PCDH18: variants seen among roughly 807,000 people sequenced by gnomAD.
PCDH18 encodes protocadherin-18.
Under a neutral mutation model 71.5 loss-of-function variants are expected in PCDH18, and 38 were observed. The ratio of observed to expected loss-of-function variants is 0.53; its 90% confidence interval spans 0.41 to 0.70. The LOEUF (loss-of-function observed/expected upper bound fraction) is 0.70. Among genes scored for constraint, PCDH18 ranks in the 30% least tolerant of loss-of-function variants. PCDH18 has a pLI of 0.00. For synonymous variants in PCDH18, 565 were observed against 505.4 expected (o/e 1.12, Z -1.58); for missense variants, 1,334 against 1,384.6 (o/e 0.96, Z 0.58).
At chr4:137,527,741 TG>T (rs750285464) in intron 3 of PCDH18, among the ~76,000 whole-genome samples, 62 of 152,260 alleles carry the variant, frequency 4.1e-4, no homozygotes, top group Non-Finnish European at 6.9e-4. Context: ...TCTTTAGTAG[TG>T]GGGCTGCTAG....
intron 3 of PCDH18, among the ~76,000 whole-genome samples, chr4:137,526,552 T>C (rs1731466954): frequency 6.6e-6 from 1 of 152,062 alleles, no homozygotes; most frequent in South Asian, 2.1e-4. Flanking sequence ...CAGAGATTTC[T>C]CTTCAAATTG....
chr4:137,525,131 TG>T (rs1186461957), intron 3 of PCDH18, among the ~76,000 whole-genome samples: 1 of 151,670 alleles, frequency 6.6e-6, no homozygotes, highest in Non-Finnish European at 1.5e-5. Flanking sequence ...CAATGGAAAA[TG>T]GGGATTTTTG....
chr4:137,523,001 T>A (rs2149212307), intron 3 of PCDH18, among the ~76,000 whole-genome samples: 1 of 152,298 alleles, frequency 6.6e-6, no homozygotes, highest in East Asian at 1.9e-4. Flanking sequence ...TTTGAGATAA[T>A]TCTGTTCTTA....
chr4:137,529,988 T>C lies in PCDH18; in HGVS notation c.2101A>G (p.Ile701Val). The C allele has an allele frequency of 1.9e-6, 3 of 1,614,002 alleles. No individual in the cohort carries two copies. Among genetic ancestry groups the C allele is most frequent in the Non-Finnish European group, 2.5e-6 (3 of 1,179,894 alleles). ...ATTGCTCCTAAGGAAATAATTATTA[T>C]CATGGAGACATCCAAGGATGCCTGG... ...VSQASLDVSMIIIISLGAICA... is the reference protein window; with the variant it reads ...VSQASLDVSMVIIISLGAICA... The change falls in exon 1 of 4, where the codon ATA (isoleucine) becomes GTA (valine). Residue 701 changes from isoleucine (I) to valine (V), a missense_variant. Transcript: ENST00000344876.
Position 137,530,520 on chromosome 4 carries a change from A to G in PCDH18, c.1569T>C (p.Ser523=). The G allele has an allele frequency of 6.2e-7, 1 of 1,613,922 alleles. No homozygotes were observed. The highest frequency in any genetic ancestry group is 8.5e-7 in the Non-Finnish European group (1 of 1,179,838). ...SITTYVTIDP[S]NGAIYALRIF... ...TTCTGAGGGCATAGATGGCTCCATT[A>G]GATGGGTCAATGGTTACATATGTAG... The change falls in exon 1 of 4, where the codon TCT becomes TCC. Residue 523 remains serine (S), a synonymous_variant. Coordinates refer to ENST00000344876, the MANE Select transcript of PCDH18 (RefSeq NM_019035.5).
At position 137,531,334 on chromosome 4, in the gene PCDH18, A is replaced by G. The variant is rs780609137; in HGVS notation, c.755T>C (p.Ile252Thr). The change falls in exon 1 of 4, where the codon ATA (isoleucine) becomes ACA (threonine). Residue 252 changes from isoleucine (I) to threonine (T), a missense_variant. Physicochemically the swap from Ile to Thr is moderately conservative, Grantham distance 89. Coordinates refer to ENST00000344876, the MANE Select transcript of PCDH18 (RefSeq NM_019035.5). Reference sequence around the variant, plus strand: ...CGGGGAGTTTTCTAAGAGTTGTATTATATAAGATTGCTGCTCAAAAGCAGG... The same window carrying G: ...CGGGGAGTTTTCTAAGAGTTGTATTGTATAAGATTGCTGCTCAAAAGCAGG... ...NSPAFEQQSY[I>T]IQLLENSPVG... The G allele has an allele frequency of 4.3e-6, 7 of 1,614,028 alleles. No individual in the cohort carries two copies. The Admixed American group carries it at 5.0e-5, about 12-fold the overall frequency.
intron 3 of PCDH18, among the ~76,000 whole-genome samples, chr4:137,525,134 G>A (rs900583794): frequency 1.3e-5 from 2 of 152,018 alleles, no homozygotes; most frequent in Admixed American, 6.6e-5. Context: ...TGGAAAATGG[G>A]GATTTTTGCA....
Position 137,529,752 on chromosome 4 carries a change from T to C in PCDH18, c.2337A>G (p.Pro779=). 6.2e-7 allele frequency: 1 copy of C among 1,614,030 alleles called. No individual in the cohort carries two copies. The highest frequency in any genetic ancestry group is 1.1e-5 in the South Asian group (1 of 91,076). ...CTCTTTCTAAGGTAGGAGATGAAGA[T>C]GGAGACGATCTGTGATGAGATCTGA... ...LPIRSHHRSS[P]SSSPTLERGQ... The change falls in exon 1 of 4, where the codon CCA becomes CCG. Residue 779 remains proline (P), a synonymous_variant. Transcript: ENST00000344876.
Position 137,530,375 on chromosome 4 carries a change from T to C in PCDH18, c.1714A>G (p.Asn572Asp). The C allele has an allele frequency of 1.2e-6, 2 of 1,614,106 alleles. No individual in the cohort carries two copies. The highest frequency in any genetic ancestry group is 2.7e-5 in the African/African-American group (2 of 75,036). Residue 572 changes from asparagine (N) to aspartate (D), a missense_variant, in exon 1 of 4, where the codon AAC becomes GAC. Physicochemically the swap from Asn to Asp is conservative, Grantham distance 23. This residue lies in a region of PCDH18 where 1,011 missense variants were observed against 1,048.0 expected (regional missense o/e 0.96). Transcript: ENST00000344876. ...VVLTIIDEND[N>D]VPVVIGPALR... ...GCAGGCCCTATAACCACAGGAACGT[T>C]GTCATTTTCGTCAATGATGGTGAGC...
Position 137,528,693 on chromosome 4 carries a change from A to T in PCDH18, c.2576+39T>A, listed in dbSNP as rs778351395. On this transcript the variant is annotated intron_variant, in intron 2 of 3. Transcript: ENST00000344876. ...TTACAGTTTTTACTCTTCAGCATTTATGTTGAAACTTAATAGGTAACACAA... is the reference window on the plus strand; with the variant it reads ...TTACAGTTTTTACTCTTCAGCATTTTTGTTGAAACTTAATAGGTAACACAA... The T allele has an allele frequency of 1.9e-6, 3 of 1,607,188 alleles. No individual in the cohort carries two copies. The Admixed American group carries it at 5.0e-5, about 27-fold the overall frequency.
Position 137,531,716 on chromosome 4 carries a change from C to T in PCDH18, c.373G>A (p.Val125Ile). The T allele has an allele frequency of 3.7e-6, 6 of 1,614,114 alleles. No individual in the cohort carries two copies. Among genetic ancestry groups the T allele is most frequent in the Non-Finnish European group, 5.1e-6 (6 of 1,179,994 alleles). The change falls in exon 1 of 4, where the codon GTT becomes ATT. Residue 125 changes from valine to isoleucine, a missense_variant. Coordinates refer to ENST00000344876, the MANE Select transcript of PCDH18 (RefSeq NM_019035.5). The stretch of plus-strand genomic sequence containing the variant: ...TTGTCATTAATATCCAGCACTTCAA[C>T]TTCAATATGGAAAAGCTGCAGATGC... ...TEHLQLFHIE[V>I]EVLDINDNSP...
chr4:137,524,493 GAA>G (rs1204933246), intron 3 of PCDH18, among the ~76,000 whole-genome samples: 1 of 151,880 alleles, frequency 6.6e-6, no homozygotes, highest in Non-Finnish European at 1.5e-5. Flanking sequence ...GTCAAGAAAG[GAA>G]AAAAGAGTGG....
Position 137,521,687 on chromosome 4 carries a change from A to G in PCDH18, c.2750T>C (p.Leu917Pro). 1 of 1,600,178 alleles carries G rather than the reference A, an allele frequency of 6.2e-7. No homozygotes were observed. Among genetic ancestry groups the G allele is most frequent in the Non-Finnish European group, 8.5e-7 (1 of 1,173,546 alleles). Residue 917 changes from leucine (L) to proline (P), a missense_variant, in exon 4 of 4, where the codon CTC (leucine) becomes CCC (proline). This residue lies in a region of PCDH18 where 319 missense variants were observed against 316.3 expected (regional missense o/e 1.01). Transcript: ENST00000344876. ...TDGRIPAAMR[L>P]CTEECRVLGH... Reference sequence around the variant, plus strand: ...CAGGACCCTGCACTCCTCCGTGCAGAGTCTCATAGCTGCACTCAAGAAAAA... The same window carrying G: ...CAGGACCCTGCACTCCTCCGTGCAGGGTCTCATAGCTGCACTCAAGAAAAA...
At chr4:137,521,958 T>C (rs1260649302) in intron 3 of PCDH18, among the ~76,000 whole-genome samples, 1 of 152,140 alleles carries the variant, frequency 6.6e-6, no homozygotes, top group African/African-American at 2.4e-5. Context: ...ACTTGAATAA[T>C]GATAAGATGG....
rs143446373 is a variant in PCDH18, at chr4:137,526,765, C to A, written c.2740+1713G>T. Among the ~76,000 whole-genome samples the A allele has an allele frequency of 1.3e-4, 19 of 151,902 alleles. No individual in the cohort carries two copies. In the Middle Eastern group the frequency reaches 0.01, roughly 82 times the overall value. ...AATAGTTATGGGGTATGTCATAAGTCTTTAGAACATAAGAACAATGAGGAC... is the reference window on the plus strand; with the variant it reads ...AATAGTTATGGGGTATGTCATAAGTATTTAGAACATAAGAACAATGAGGAC... On this transcript the variant is annotated intron_variant, in intron 3 of 3. Coordinates refer to ENST00000344876, the MANE Select transcript of PCDH18 (RefSeq NM_019035.5).
Position 137,531,668 on chromosome 4 carries a change from G to C in PCDH18, c.421C>G (p.Leu141Val). The change falls in exon 1 of 4, where the codon CTC (leucine) becomes GTC (valine). Residue 141 changes from leucine (L) to valine (V), a missense_variant. Transcript: ENST00000344876. ...NDNSPQFSRS[L>V]IPIEISESAA... ...CTCTCAGATATCTCAATAGGTATGA[G>C]AGATCTTGAAAACTGGGGAGAATTG... 6.2e-7 allele frequency: 1 copy of C among 1,614,126 alleles called. No homozygotes were observed. The highest frequency in any genetic ancestry group is 8.5e-7 in the Non-Finnish European group (1 of 1,179,974).
chr4:137,531,017 G>A lies in PCDH18; in HGVS notation c.1072C>T (p.Leu358Phe). 9.9e-6 allele frequency: 16 copies of A among 1,609,674 alleles called. No homozygotes were observed. Among genetic ancestry groups the A allele is most frequent in the African/African-American group, 1.3e-5 (1 of 74,706 alleles). The part of the protein sequence containing the change: ...NDNKPEININ[L>F]MSPGKEEISY... ...ATTTCTTCTTTTCCAGGGGACATGA[G>A]GTTGATGTTAATTTCAGGTTTATTG... Residue 358 changes from leucine (L) to phenylalanine (F), a missense_variant, in exon 1 of 4, where the codon CTC (leucine) becomes TTC (phenylalanine). Leu to Phe is a conservative substitution (Grantham distance 22). Around this residue, in one of 3 missense-constraint regions of PCDH18, gnomAD observed 1,011 missense variants for 1,048.0 expected, o/e 0.96. Transcript: ENST00000344876.
intron 3 of PCDH18, among the ~76,000 whole-genome samples, chr4:137,525,265 G>A (rs1202181898): frequency 3.3e-5 from 5 of 152,128 alleles, no homozygotes; most frequent in Admixed American, 6.6e-5. Flanking sequence ...ATATTTGTGT[G>A]GGAATTAATA....
Position 137,521,297 on chromosome 4 carries a change from A to G in PCDH18, c.3140T>C (p.Val1047Ala), listed in dbSNP as rs539469894. 369 of 1,614,138 alleles carry G rather than the reference A, an allele frequency of 2.3e-4. 5 individuals are homozygous for G. The South Asian group carries it at 4.0e-3, about 17-fold the overall frequency. Residue 1047 changes from valine to alanine, a missense_variant, in exon 4 of 4, where the codon GTG becomes GCG. Transcript: ENST00000344876. Reference protein sequence around the residue: ...RRKGPLPAKTVGYPQGVAAWA... With the variant: ...RRKGPLPAKTAGYPQGVAAWA... ...TGCCGCTACCCCCTGTGGGTAACCC[A>G]CAGTTTTGGCTGGCAAGGGTCCCTT...
Sources: allele counts gnomAD v4.1 joint callset (sites outside exome capture counted in the v4.1 genomes callset), GRCh38; gene constraint gnomAD v4.1.1; regional missense constraint gnomAD v4.1.1; transcripts MANE v1.5; gene names NCBI Gene and HGNC (gene_info 2026-07-23, HGNC 2026-07-21).